Variants in PKHD1L1 observed in about 807,000 individuals in gnomAD.
The protein encoded by PKHD1L1 is fibrocystin-L.
A neutral mutation model predicts 462.9 loss-of-function variants in PKHD1L1; 434 were observed. That is an observed-to-expected ratio of 0.94 (90% confidence interval 0.87 to 1.02). The LOEUF (loss-of-function observed/expected upper bound fraction) is 1.02. PKHD1L1 is among the 50% of genes least tolerant of loss of function. The pLI, the probability that PKHD1L1 is intolerant of heterozygous loss-of-function variation, is 0.00. For synonymous variants in PKHD1L1, 1,781 were observed against 1,750.0 expected, an observed-to-expected ratio of 1.02 and a Z score of -0.44; for missense variants, 5,202 against 5,096.1, an observed-to-expected ratio of 1.02 and a Z score of -0.63.
chr8:109,435,375 C>G, intron 29 of PKHD1L1, 21 bp downstream of exon 29: 1 of 1,596,698 alleles, frequency 6.3e-7, no homozygotes, highest in Non-Finnish European at 8.6e-7. Context: ...ATAGTTTAAA[C>G]AGAGAGAAAA....
chr8:109,411,856 C>T (rs1813872874), intron 19 of PKHD1L1, among the ~76,000 whole-genome samples: 2 of 152,144 alleles, frequency 1.3e-5, no homozygotes, highest in African/African-American at 4.8e-5. Flanking sequence ...GTACGATAAT[C>T]ATTGGCTTCT....
Position 109,496,986 on chromosome 8 carries a change from G to A in PKHD1L1, c.10395G>A (p.Met3465Ile). The A allele has an allele frequency of 1.2e-6, 2 of 1,613,004 alleles. No individual in the cohort carries two copies. Among genetic ancestry groups the A allele is most frequent in the Non-Finnish European group, 1.7e-6 (2 of 1,179,070 alleles). ...ATGGAGGTTTATATGGGATCTATAT[G>A]AACCAAGATGGCCTTCCTGGATGTT... ...EAHGGLYGIY[M>I]NQDGLPGCSL... Residue 3465 changes from methionine to isoleucine, a missense_variant, in exon 64 of 78, where the codon ATG becomes ATA. By Grantham distance (10) the Met-to-Ile change is conservative. This residue lies in a region of PKHD1L1 where 4,497 missense variants were observed against 4,336.8 expected (regional missense o/e 1.04). Coordinates refer to ENST00000378402, the MANE Select transcript of PKHD1L1 (RefSeq NM_177531.6).
At position 109,536,200 on chromosome 8, in the gene PKHD1L1, T is replaced by C. The variant is rs113649142; in HGVS notation, c.*6110T>C. ...AACAAATCTGCCTGCTTCAAAGGTT[T>C]CACCGATTTTATTGCTGTGTTTCCA... On this transcript the variant is annotated 3_prime_UTR_variant, in exon 78 of 78. Coordinates refer to ENST00000378402, the MANE Select transcript of PKHD1L1 (RefSeq NM_177531.6). 7.5e-3 allele frequency among the ~76,000 whole-genome samples: 1,147 copies of C among 152,348 alleles called. 3 individuals are homozygous for C. Among genetic ancestry groups the C allele is most frequent in the Middle Eastern group, 0.014 (4 of 294 alleles).
intron 68 of PKHD1L1, among the ~76,000 whole-genome samples, chr8:109,505,474 C>T (rs1305476073): frequency 6.6e-6 from 1 of 152,058 alleles, no homozygotes; most frequent in African/African-American, 2.4e-5. Flanking sequence ...TCTAATAATT[C>T]CTACTTTTTA....
intron 38 of PKHD1L1, among the ~76,000 whole-genome samples, chr8:109,447,249 A>G (rs1276049572): frequency 2.0e-5 from 3 of 152,168 alleles, no homozygotes; most frequent in African/African-American, 7.2e-5. Context: ...ACAAACAAAC[A>G]AAAACTTTCC....
rs1817328461 is a variant in PKHD1L1 at position 109,464,665 on chromosome 8, T to G, written c.7833T>G (p.Phe2611Leu). The G allele has an allele frequency of 6.2e-7, 1 of 1,613,216 alleles. No individual in the cohort carries two copies. Among genetic ancestry groups the G allele is most frequent in the South Asian group, 1.1e-5 (1 of 91,076 alleles). The part of the protein sequence containing the change: ...ICQKRVPLGE[F>L]FNNTVHSQGW... ...AAAAAAGAGTTCCCCTTGGCGAATT[T>G]TTTAACAATACTGTCCATTCTCAAG... The change falls in exon 49 of 78, where the codon TTT becomes TTG. Residue 2611 changes from phenylalanine (F) to leucine (L), a missense_variant. This residue lies in a region of PKHD1L1 where 4,497 missense variants were observed against 4,336.8 expected (regional missense o/e 1.04). Transcript: ENST00000378402.
chr8:109,444,051 A>G (rs1274652827), intron 37 of PKHD1L1, 149 bp downstream of exon 37: 2 of 708,764 alleles, frequency 2.8e-6, no homozygotes, highest in Non-Finnish European at 4.5e-6. Context: ...CAATTCATAA[A>G]CTTTTAGCAT....
In PKHD1L1 at chr8:109,522,318, G is replaced by A; in HGVS notation, c.12164G>A (p.Ser4055Asn). The A allele has an allele frequency of 6.3e-7, 1 of 1,588,242 alleles. No individual in the cohort carries two copies. The highest frequency in any genetic ancestry group is 8.5e-7 in the Non-Finnish European group (1 of 1,170,208). Residue 4055 changes from serine (S) to asparagine (N), a missense_variant, in exon 74 of 78, where the codon AGT becomes AAT. Physicochemically the swap from Ser to Asn is conservative, Grantham distance 46. Transcript: ENST00000378402. Reference protein sequence around the residue: ...MSITNPLPSPSDSGWIKVTAQ... With the variant: ...MSITNPLPSPNDSGWIKVTAQ... ...ATTACTAATCCCCTCCCCAGCCCAA[G>A]TGACTCTGGGTGGATTAAGGTAAGA...
rs1821106851 is a variant in PKHD1L1, at chr8:109,534,467, A to C, written c.*4377A>C. ...GACAGAGCGAGACACATCTCAAAAA[A>C]AAAAACCCAAAAAACTTTAATCTGA... On this transcript the variant is annotated 3_prime_UTR_variant, in exon 78 of 78. Transcript: ENST00000378402. 6.6e-6 allele frequency among the ~76,000 whole-genome samples: 1 copy of C among 152,088 alleles called. No individual in the cohort carries two copies. Among genetic ancestry groups the C allele is most frequent in the African/African-American group, 2.4e-5 (1 of 41,410 alleles).
chr8:109,522,094 G>A, intron 73 of PKHD1L1, 92 bp from the exon 74 acceptor site: 1 of 1,238,722 alleles, frequency 8.1e-7, no homozygotes, highest in Non-Finnish European at 1.1e-6. Flanking sequence ...ATGTGATGGA[G>A]CAATGCAAAG....
chr8:109,499,335 G>A (rs998010613), intron 67 of PKHD1L1: 8 of 152,280 alleles, frequency 5.3e-5, no homozygotes, highest in African/African-American at 1.9e-4. Flanking sequence ...TGGAGCAAGT[G>A]TCCCTTCCAG....
At chr8:109,446,791 CAT>C (rs1430199015) in intron 38 of PKHD1L1, among the ~76,000 whole-genome samples, 3 of 151,986 alleles carry the variant, frequency 2.0e-5, no homozygotes, top group East Asian at 3.9e-4. Flanking sequence ...GACTTGCAGA[CAT>C]GTGAGAACTG....
chr8:109,504,350 A>G lies in PKHD1L1; in HGVS notation c.10852A>G (p.Asn3618Asp), dbSNP rs769001401. ...AGGTTCAACATTTGTTGGATTTAAGAATGTTTGTTCAGGGGAAACTAATGT... is the reference window on the plus strand; with the variant it reads ...AGGTTCAACATTTGTTGGATTTAAGGATGTTTGTTCAGGGGAAACTAATGT... ...ISGSTFVGFK[N>D]VCSGETNVIF... The change falls in exon 68 of 78, where the codon AAT (asparagine) becomes GAT (aspartate). Residue 3618 changes from asparagine (N) to aspartate (D), a missense_variant. Physicochemically the swap from Asn to Asp is conservative, Grantham distance 23. Around this residue, in one of 3 missense-constraint regions of PKHD1L1, gnomAD observed 7 missense variants for 23.0 expected, o/e 0.30. Coordinates refer to ENST00000378402, the MANE Select transcript of PKHD1L1 (RefSeq NM_177531.6). 2.7e-6 allele frequency: 4 copies of G among 1,468,466 alleles called. No homozygotes were observed. Among genetic ancestry groups the G allele is most frequent in the East Asian group, 2.4e-5 (1 of 40,922 alleles). The allele number at this position is 1,468,466 out of a possible 1,614,324, so 91.0% of individuals were successfully genotyped here.
rs376335508 is a variant in PKHD1L1, at chr8:109,381,787, A to G, written c.308+273A>G. Reference sequence around the variant, plus strand: ...GAGCATTTTTAGAAGATAAATGACTATTTAATTGTAATGATGTGCCTTAAA... The same window carrying G: ...GAGCATTTTTAGAAGATAAATGACTGTTTAATTGTAATGATGTGCCTTAAA... On this transcript the variant is annotated intron_variant, in intron 3 of 77. Coordinates refer to ENST00000378402, the MANE Select transcript of PKHD1L1 (RefSeq NM_177531.6). Among the ~76,000 whole-genome samples the G allele has an allele frequency of 9.2e-5, 14 of 152,234 alleles. No individual in the cohort carries two copies. The South Asian group carries it at 2.9e-3, about 32-fold the overall frequency.
intron 13 of PKHD1L1, among the ~76,000 whole-genome samples, chr8:109,401,092 A>G (rs1287860269): frequency 1.3e-5 from 2 of 152,160 alleles, no homozygotes; most frequent in Non-Finnish European, 2.9e-5. Flanking sequence ...TCTAGTGTGC[A>G]GAACCATTTA....
Position 109,507,720 on chromosome 8 carries a change from T to G in PKHD1L1, c.11052T>G (p.Phe3684Leu). The G allele has an allele frequency of 6.2e-7, 1 of 1,613,560 alleles. No individual in the cohort carries two copies. The stretch of plus-strand genomic sequence containing the variant: ...TTTGTGATGCCAAGAGGAAATCTTT[T>G]CTTAGAGACATAGATGGCTCCTTTC... The part of the protein sequence containing the change: ...DMVCDAKRKS[F>L]LRDIDGSFLG... The change falls in exon 69 of 78, where the codon TTT becomes TTG. Residue 3684 changes from phenylalanine to leucine, a missense_variant. Physicochemically the swap from Phe to Leu is conservative, Grantham distance 22 (BLOSUM62 0). This residue lies in a region of PKHD1L1 where 698 missense variants were observed against 736.3 expected (regional missense o/e 0.95). Coordinates refer to ENST00000378402, the MANE Select transcript of PKHD1L1 (RefSeq NM_177531.6).
chr8:109,383,023 T>A (rs1254847858), intron 4 of PKHD1L1, among the ~76,000 whole-genome samples: 1 of 140,242 alleles, frequency 7.1e-6, no homozygotes, highest in Non-Finnish European at 1.5e-5. Flanking sequence ...CTAAGCATTA[T>A]CCCATATATA....
Position 109,530,089 on chromosome 8 carries a change from A to G in PKHD1L1, c.12731A>G (p.Ter4244=). The G allele has an allele frequency of 1.5e-6, 2 of 1,367,564 alleles. No individual in the cohort carries two copies. The highest frequency in any genetic ancestry group is 1.9e-4 in the Middle Eastern group (1 of 5,292). 84.7% of individuals were successfully genotyped at this position (1,367,564 alleles called of 1,614,324 possible). ...STLNITLRSY[*] is the part of the protein sequence containing the mutation. ...TGTTTCCATTTTTCAGGAAGCTACT[A>G]AAGTGCTGTTCCGAAGAATAGGCTG... is the stretch of plus-strand genomic sequence containing the variant. The change falls in exon 78 of 78, where the codon TAA becomes TGA. Residue 4244 remains the stop codon, a stop_retained_variant. Coordinates refer to ENST00000378402, the MANE Select transcript of PKHD1L1 (RefSeq NM_177531.6).
Position 109,518,436 on chromosome 8 carries a change from A to G in PKHD1L1, c.11959A>G (p.Arg3987Gly), listed in dbSNP as rs1453463274. 1.9e-6 allele frequency: 3 copies of G among 1,611,704 alleles called. No individual in the cohort carries two copies. The highest frequency in any genetic ancestry group is 2.5e-6 in the Non-Finnish European group (3 of 1,179,582). Residue 3987 changes from arginine (R) to glycine (G), a missense_variant, in exon 73 of 78, where the codon AGA becomes GGA. Physicochemically the swap from Arg to Gly is moderately radical, Grantham distance 125 (BLOSUM62 -2). Around this residue, in one of 3 missense-constraint regions of PKHD1L1, gnomAD observed 698 missense variants for 736.3 expected, o/e 0.95. Coordinates refer to ENST00000378402, the MANE Select transcript of PKHD1L1 (RefSeq NM_177531.6). The part of the protein sequence containing the change: ...KIRGKSLRRK[R>G]SMGFIIEIEI... The stretch of plus-strand genomic sequence containing the variant: ...AAGAGGGAAGAGTCTGAGGAGGAAG[A>G]GATCCATGGGATTCATAATTGAAAT...
Sources: allele counts gnomAD v4.1 joint callset (sites outside exome capture counted in the v4.1 genomes callset), GRCh38; gene constraint gnomAD v4.1.1; regional missense constraint gnomAD v4.1.1; transcripts MANE v1.5; gene names NCBI Gene and HGNC (gene_info 2026-07-23, HGNC 2026-07-21).